The following CFAP61 variants were observed in gnomAD, a reference collection of about 807,000 sequenced individuals.
CFAP61 encodes the protein cilia- and flagella-associated protein 61.
A neutral mutation model predicts 135.6 loss-of-function variants in CFAP61; 107 were observed. The observed-to-expected ratio is 0.79, with a 90% CI of 0.67 to 0.93. The LOEUF (loss-of-function observed/expected upper bound fraction) is 0.93, where lower values mean the gene tolerates loss of function less well. Among genes scored for constraint, CFAP61 ranks in the 40% least tolerant of loss-of-function variants. CFAP61 has a pLI of 0.00. For missense variants in CFAP61, 1,507 were observed against 1,556.2 expected (o/e 0.97, Z 0.53); for synonymous variants, 575 against 578.5 (o/e 0.99, Z 0.09).
At chr20:20,176,920 C>G (rs1216558798) in intron 13 of CFAP61, among the ~76,000 whole-genome samples, 1 of 152,168 alleles carries the variant, frequency 6.6e-6, no homozygotes, top group Non-Finnish European at 1.5e-5. Flanking sequence ...CTTCCAAATA[C>G]AGATTTTCTA....
chr20:20,357,938 GAAGGTGGTCACACT>G (rs2059306439), intron 26 of CFAP61, among the ~76,000 whole-genome samples: 1 of 136,344 alleles, frequency 7.3e-6, no homozygotes, highest in African/African-American at 2.9e-5. Context: ...CACACTGAGG[GAAGGTGGTCACACT>G]GAGGGGAGGT....
At chr20:20,199,662 T>A in intron 16 of CFAP61, 106 bp from the exon 17 acceptor site, 1 of 1,296,252 alleles carries the variant, frequency 7.7e-7, no homozygotes, top group Non-Finnish European at 1.1e-6. Context: ...TTTTCCTCTC[T>A]GACTTGGCCG....
intron 8 of CFAP61, among the ~76,000 whole-genome samples, chr20:20,142,586 C>T (rs1321800576): frequency 6.6e-6 from 1 of 152,198 alleles, no homozygotes. Flanking sequence ...TGCCCATCTT[C>T]CCATCTCCAC....
intron 8 of CFAP61, among the ~76,000 whole-genome samples, chr20:20,140,968 G>A (rs1368386440): frequency 1.3e-5 from 2 of 150,868 alleles, no homozygotes; most frequent in Non-Finnish European, 2.9e-5. Context: ...TGTCATCTAG[G>A]CTATAGTGCA....
In CFAP61 at chr20:20,078,174, C is replaced by A. The variant is rs186389111; in HGVS notation, c.566+2559C>A. ...TCATGTTAATCCTGGTCAAATGTTC[C>A]TAAATTCCAAAGGGAAAGTATAATG... On this transcript the variant is annotated intron_variant, in intron 6 of 26. Transcript: ENST00000245957. Among the ~76,000 whole-genome samples, 4 of 152,304 alleles carry A rather than the reference C, an allele frequency of 2.6e-5. No individual in the cohort carries two copies. In the East Asian group the frequency reaches 7.7e-4, roughly 29 times the overall value.
rs16981683 is a variant in CFAP61, at chr20:20,202,866, A to G, written c.1932+2964A>G. On this transcript the variant is annotated intron_variant, in intron 17 of 26. Coordinates refer to ENST00000245957, the MANE Select transcript of CFAP61 (RefSeq NM_015585.4). The stretch of plus-strand genomic sequence containing the variant: ...TGGCCACTCGTCTTTCATACCTTTT[A>G]TCCTATTTAAAGCATCTTAGAGTGA... 9.3e-3 allele frequency among the ~76,000 whole-genome samples: 1,413 copies of G among 151,582 alleles called. 7 individuals carry two copies. The highest frequency in any genetic ancestry group is 0.014 in the Non-Finnish European group (919 of 67,928).
chr20:20,065,997 A>G (rs1451772790), intron 2 of CFAP61, among the ~76,000 whole-genome samples: 1 of 152,188 alleles, frequency 6.6e-6, no homozygotes, highest in African/African-American at 2.4e-5. Flanking sequence ...TACAAGAAAA[A>G]AAACAACCCC....
intron 25 of CFAP61, among the ~76,000 whole-genome samples, chr20:20,323,846 AAAC>A (rs1555974525): frequency 6.6e-6 from 1 of 152,220 alleles, no homozygotes; most frequent in Non-Finnish European, 1.5e-5. Context: ...ATGTATATAT[AAAC>A]AATATTTCAC....
intron 14 of CFAP61, among the ~76,000 whole-genome samples, chr20:20,188,465 C>T (rs981680033): frequency 6.6e-6 from 1 of 151,996 alleles, no homozygotes; most frequent in Non-Finnish European, 1.5e-5. Context: ...GTAGTGGGAC[C>T]CTGTTTGAGC....
At chr20:20,250,280 T>A (rs2050785664) in intron 19 of CFAP61, among the ~76,000 whole-genome samples, 1 of 152,228 alleles carries the variant, frequency 6.6e-6, no homozygotes, top group African/African-American at 2.4e-5. Context: ...GCATCCTGCC[T>A]AACAAAGCAG....
intron 13 of CFAP61, among the ~76,000 whole-genome samples, chr20:20,181,249 TATA>T (rs2055067354): frequency 7.2e-6 from 1 of 138,526 alleles, no homozygotes; most frequent in Non-Finnish European, 1.5e-5. Flanking sequence ...TGTGTATATA[TATA>T]ACTTTTATAT....
intron 9 of CFAP61, among the ~76,000 whole-genome samples, chr20:20,144,922 C>A (rs1379938124): frequency 6.6e-6 from 1 of 152,038 alleles, no homozygotes; most frequent in East Asian, 1.9e-4. Context: ...GAATTTTATA[C>A]CCAGTAAATA....
chr20:20,338,482 T>C (rs2058322804), intron 25 of CFAP61, among the ~76,000 whole-genome samples: 1 of 151,790 alleles, frequency 6.6e-6, no homozygotes, highest in Middle Eastern at 3.2e-3. Context: ...AAGTGATATG[T>C]TTCTTCCCTG....
At chr20:20,313,219 G>A (rs1351361488) in intron 25 of CFAP61, among the ~76,000 whole-genome samples, 3 of 152,256 alleles carry the variant, frequency 2.0e-5, no homozygotes, top group South Asian at 4.2e-4. Context: ...GTCATGTGAG[G>A]ACACAGCAGG....
At chr20:20,351,351 C>T (rs903735046) in intron 26 of CFAP61, among the ~76,000 whole-genome samples, 3 of 152,094 alleles carry the variant, frequency 2.0e-5, no homozygotes, top group East Asian at 1.9e-4. Flanking sequence ...GAGGCCAAGG[C>T]GGGCAGATCA....
chr20:20,278,832 GTTCA>G (rs1453119819), intron 22 of CFAP61, among the ~76,000 whole-genome samples: 4 of 152,144 alleles, frequency 2.6e-5, no homozygotes, highest in African/African-American at 9.7e-5. Context: ...CTACTCTGTA[GTTCA>G]TTCATTTATT....
rs1252497637 is a variant in CFAP61, at chr20:20,300,094, C to T, written c.3422+1708C>T. Among the ~76,000 whole-genome samples the T allele has an allele frequency of 2.0e-5, 3 of 152,306 alleles. No individual in the cohort carries two copies. In the East Asian group the frequency reaches 5.8e-4, roughly 29 times the overall value. On this transcript the variant is annotated intron_variant, in intron 25 of 26. Transcript: ENST00000245957. ...GCCACATTCCTGTCACCTAGCACAACACATGACTCACGTGTTTGTGGTGAT... is the reference window on the plus strand; with the variant it reads ...GCCACATTCCTGTCACCTAGCACAATACATGACTCACGTGTTTGTGGTGAT...
intron 4 of CFAP61, 129 bp from the exon 5 acceptor site, chr20:20,075,060 G>C: frequency 1.2e-6 from 1 of 804,660 alleles, no homozygotes; most frequent in South Asian, 1.5e-5. Context: ...ATTGCAGGTG[G>C]GGAGCAAAGG....
At chr20:20,203,061 C>T (rs774845870) in intron 17 of CFAP61, among the ~76,000 whole-genome samples, 14 of 152,010 alleles carry the variant, frequency 9.2e-5, no homozygotes, top group East Asian at 3.9e-4. Context: ...AATATGCCCT[C>T]GCTCCCACCC....
Sources: gnomAD v4.1 joint callset for allele counts (sites outside exome capture counted in the v4.1 genomes callset) on GRCh38, gnomAD v4.1.1 for gene constraint, MANE v1.5 for transcripts, NCBI Gene and HGNC (gene_info 2026-07-23, HGNC 2026-07-21) for gene names.